Variants in MANF observed in about 807,000 individuals in gnomAD.
MANF encodes the protein mesencephalic astrocyte-derived neurotrophic factor.
MANF carries 9 observed loss-of-function variants against 19.1 expected under a neutral mutation model. That is an observed-to-expected ratio of 0.47 (90% CI 0.28 to 0.82). The LOEUF (loss-of-function observed/expected upper bound fraction) is 0.82. Ranked by LOEUF, MANF falls within the 40% of genes least tolerant of loss-of-function variation. The probability of loss-of-function intolerance (pLI) is 0.10; values close to 1 mark genes in which losing one functional copy is unlikely to be tolerated. For missense variants in MANF, 225 were observed against 226.7 expected (o/e 0.99, Z 0.05); for synonymous variants, 89 against 88.0 (o/e 1.01, Z -0.06).
chr3:51,387,007 C>G, intron 2 of MANF: 1 of 450,338 alleles, frequency 2.2e-6, no homozygotes, highest in Admixed American at 2.4e-5. Context: ...ATCTGACTAC[C>G]AGTACAGGCA....
chr3:51,386,173 G>C (rs782628351), intron 1 of MANF, 35 bp from the exon 2 acceptor site: 1 of 1,610,392 alleles, frequency 6.2e-7, no homozygotes, highest in Non-Finnish European at 8.5e-7. Flanking sequence ...ACAGCTTGGT[G>C]ATTGCTGAGC....
chr3:51,389,133 A>G lies in MANF; in HGVS notation c.*44A>G. On this transcript the variant is annotated 3_prime_UTR_variant, in exon 4 of 4. Transcript: ENST00000528157. ...CACCTGAGGGGGAAAAAACAGTTCA[A>G]CTGCTTACTCCCAAAACAGCCTTTT... 1 of 1,554,142 alleles carries G rather than the reference A, an allele frequency of 6.4e-7. No individual in the cohort carries two copies. The highest frequency in any genetic ancestry group is 1.2e-5 in the South Asian group (1 of 84,322).
chr3:51,388,344 C>T (rs150090469), intron 3 of MANF, among the ~76,000 whole-genome samples: 11 of 152,294 alleles, frequency 7.2e-5, no homozygotes, highest in Admixed American at 6.5e-4. Context: ...CATGCAAGCC[C>T]AAGAGTTAGG....
intron 3 of MANF, 120 bp downstream of exon 3, chr3:51,387,998 C>A: frequency 2.0e-6 from 2 of 998,440 alleles, no homozygotes; most frequent in Non-Finnish European, 1.5e-6. Context: ...ACAGATGGTG[C>A]TAAATGCTGG....
chr3:51,388,198 C>G (rs1159121426), intron 3 of MANF, among the ~76,000 whole-genome samples: 2 of 152,124 alleles, frequency 1.3e-5, no homozygotes, highest in Admixed American at 6.6e-5. Flanking sequence ...TTTTAATCTG[C>G]GTGAAGTTAG....
chr3:51,386,012 G>C (rs1034360957), intron 1 of MANF, 196 bp from the exon 2 acceptor site: 6 of 589,720 alleles, frequency 1.0e-5, no homozygotes, highest in East Asian at 8.6e-5. Flanking sequence ...TGATGCCCTG[G>C]GTGTACCAGG....
intron 2 of MANF, chr3:51,387,168 T>A: frequency 3.1e-6 from 1 of 322,218 alleles, no homozygotes; most frequent in Non-Finnish European, 6.2e-6. Flanking sequence ...ACAAAAAAAT[T>A]TTTAGGCTAG....
Position 51,389,373 on chromosome 3 carries a change from G to A in MANF, c.*284G>A. The A allele has an allele frequency of 2.8e-6, 1 of 353,172 alleles. No homozygotes were observed. The highest frequency in any genetic ancestry group is 4.1e-5 in the South Asian group (1 of 24,122). The allele number at this position is 353,172 out of a possible 1,614,324, so 21.9% of individuals were successfully genotyped here. A position where few individuals can be genotyped will look rare whatever the true frequency, so the allele number is the denominator to read the frequency against. On this transcript the variant is annotated 3_prime_UTR_variant, in exon 4 of 4. Transcript: ENST00000528157. ...GCAGAATTATAGTGAATACCAAAAT[G>A]GGGTTTTGCCCCAGGAGGCTCCTAC...
In MANF at chr3:51,387,807, A is replaced by G. The variant is rs782753903; in HGVS notation, c.293A>G (p.His98Arg). Residue 98 changes from histidine (H) to arginine (R), a missense_variant, in exon 3 of 4, where the codon CAC (histidine) becomes CGC (arginine). Physicochemically the swap from His to Arg is conservative, Grantham distance 29 (BLOSUM62 0). Coordinates refer to ENST00000528157, the MANE Select transcript of MANF (RefSeq NM_006010.6). ...IINEVSKPLA[H>R]HIPVEKICEK... ...AATGAGGTATCAAAGCCTCTGGCCC[A>G]CCACATCCCTGTGGAGAAGATCTGT... is the stretch of plus-strand genomic sequence containing the variant. 19 of 1,613,270 alleles carry G rather than the reference A, an allele frequency of 1.2e-5. No homozygotes were observed. Among genetic ancestry groups the G allele is most frequent in the Non-Finnish European group, 1.3e-5 (15 of 1,179,548 alleles).
rs782449001 is a variant in MANF, at chr3:51,387,841, TAAG to T, written c.334_336del (p.Lys112del). 3 of 1,613,730 alleles carry T rather than the reference TAAG, an allele frequency of 1.9e-6. No individual in the cohort carries two copies. Among genetic ancestry groups the T allele is most frequent in the Non-Finnish European group, 1.7e-6 (2 of 1,179,786 alleles). On this transcript the variant is annotated inframe_deletion, in exon 3 of 4. Coordinates refer to ENST00000528157, the MANE Select transcript of MANF (RefSeq NM_006010.6). Reference sequence around the variant, plus strand: ...CTGTGGAGAAGATCTGTGAGAAGCTTAAGAAGAAGGACAGCCAGATATGTGAGC... The same window carrying T: ...CTGTGGAGAAGATCTGTGAGAAGCTTAAGAAGGACAGCCAGATATGTGAGC...
At chr3:51,387,954 A>G in intron 3 of MANF, 76 bp downstream of exon 3, 1 of 1,460,358 alleles carries the variant, frequency 6.8e-7, no homozygotes, top group Non-Finnish European at 9.5e-7. Flanking sequence ...GAGGAAAATG[A>G]TGAGCTAGAG....
chr3:51,388,882 AC>A lies in MANF; in HGVS notation c.365-22del, dbSNP rs782473543. ...CTGCAGGTGCTCCACCCAGTCAGTG[AC>A]TCTCCCTGCTCTCTCCTCCAGACAA... On this transcript the variant is annotated intron_variant, in intron 3 of 3. Coordinates refer to ENST00000528157, the MANE Select transcript of MANF (RefSeq NM_006010.6). 2.2e-5 allele frequency: 33 copies of A among 1,530,992 alleles called. No individual in the cohort carries two copies. In the African/African-American group the frequency reaches 4.5e-4, roughly 21 times the overall value. 94.8% of individuals were successfully genotyped at this position (1,530,992 alleles called of 1,614,324 possible).
At position 51,385,434 on chromosome 3, in the gene MANF, A is replaced by G. The variant is rs1189373882; in HGVS notation, c.92A>G (p.Glu31Gly). ...GSRALRPGDC[E>G]VCISYLGRFY... ...CGGGCGCTGCGGCCGGGCGACTGCGAAGGTGCGGGATAGGGGGCCGGGGGC... is the reference window on the plus strand; with the variant it reads ...CGGGCGCTGCGGCCGGGCGACTGCGGAGGTGCGGGATAGGGGGCCGGGGGC... Residue 31 changes from glutamate (E) to glycine (G), a missense_variant and splice_region_variant, in exon 1 of 4, where the codon GAA becomes GGA. Physicochemically the swap from Glu to Gly is moderately conservative, Grantham distance 98. Transcript: ENST00000528157. The G allele has an allele frequency of 8.1e-7, 1 of 1,231,716 alleles. No homozygotes were observed. Among genetic ancestry groups the G allele is most frequent in the Non-Finnish European group, 1.0e-6 (1 of 987,052 alleles). The allele number at this position is 1,231,716 out of a possible 1,614,324, so 76.3% of individuals were successfully genotyped here. A position where few individuals can be genotyped will look rare whatever the true frequency, so the allele number is the denominator to read the frequency against.
intron 1 of MANF, 119 bp from the exon 2 acceptor site, chr3:51,386,089 A>T: frequency 8.8e-7 from 1 of 1,135,466 alleles, no homozygotes; most frequent in Non-Finnish European, 1.2e-6. Context: ...GGTGATGGAA[A>T]AGCTCACCTC....
chr3:51,388,199 G>A (rs549270136), intron 3 of MANF, among the ~76,000 whole-genome samples: 23 of 152,312 alleles, frequency 1.5e-4, no homozygotes, highest in South Asian at 8.3e-4. Context: ...TTTAATCTGC[G>A]TGAAGTTAGG....
chr3:51,385,806 C>G (rs1261896868), intron 1 of MANF: 1 of 281,508 alleles, frequency 3.6e-6, no homozygotes, highest in East Asian at 6.5e-5. Context: ...GATCACGAAG[C>G]TGCACCTCTG....
At chr3:51,387,713 G>C in intron 2 of MANF, 24 bp from the exon 3 acceptor site, 1 of 1,606,102 alleles carries the variant, frequency 6.2e-7, no homozygotes, top group Non-Finnish European at 8.5e-7. Context: ...ACCTCCTGAA[G>C]GCCATTGTCC....
At chr3:51,386,049 C>G in intron 1 of MANF, 159 bp from the exon 2 acceptor site, 2 of 720,816 alleles carry the variant, frequency 2.8e-6, no homozygotes, top group Non-Finnish European at 4.5e-6. Flanking sequence ...GAACCGGGTT[C>G]TGTCTACCTG....
chr3:51,387,766 A>G lies in MANF; in HGVS notation c.252A>G (p.Ala84=). 6.2e-7 allele frequency: 1 copy of G among 1,612,550 alleles called. No homozygotes were observed. The highest frequency in any genetic ancestry group is 8.5e-7 in the Non-Finnish European group (1 of 1,179,144). ...ACTATATCGGGGCCACAGATGATGC[A>G]GCCACCAAAATCATCAATGAGGTAT... ...LCYYIGATDD[A]ATKIINEVSK... is the part of the protein sequence containing the mutation. Residue 84 remains alanine, a synonymous_variant, in exon 3 of 4, where the codon GCA becomes GCG. Coordinates refer to ENST00000528157, the MANE Select transcript of MANF (RefSeq NM_006010.6).
Sources: gnomAD v4.1 joint callset for allele counts (sites outside exome capture counted in the v4.1 genomes callset) on GRCh38, gnomAD v4.1.1 for gene constraint, MANE v1.5 for transcripts, NCBI Gene and HGNC (gene_info 2026-07-23, HGNC 2026-07-21) for gene names.